Variants in HDAC1 observed in about 807,000 individuals in gnomAD.
HDAC1 encodes the protein protein deacetylase HDAC1.
Under a neutral mutation model 65.5 loss-of-function variants are expected in HDAC1, and 18 were observed. The ratio of observed to expected loss-of-function variants is 0.27; its 90% confidence interval spans 0.19 to 0.41. HDAC1 has a LOEUF of 0.41. Ranked by LOEUF, HDAC1 falls within the 10% of genes least tolerant of loss-of-function variation. The pLI, the probability that HDAC1 is intolerant of heterozygous loss-of-function variation, is 1.00. For synonymous variants in HDAC1, 211 were observed against 227.9 expected (o/e 0.93, Z 0.67); for missense variants, 373 against 625.2 (o/e 0.60, Z 4.30).
Position 32,331,411 on chromosome 1 carries a change from C to T in HDAC1, c.980-63C>T, listed in dbSNP as rs1001880032. On this transcript the variant is annotated intron_variant, in intron 9 of 13. Transcript: ENST00000373548. The surrounding 1 kb of genome is among the most constrained non-coding windows in gnomAD (Gnocchi z 4.2). Reference sequence around the variant, plus strand: ...ACCTACAAATGCTTTAGGGTGCTTACGTGCAAATGGTTAGGGTGCGGTGGC... The same window carrying T: ...ACCTACAAATGCTTTAGGGTGCTTATGTGCAAATGGTTAGGGTGCGGTGGC... 1.7e-5 allele frequency: 16 copies of T among 917,028 alleles called. No individual in the cohort carries two copies. Among genetic ancestry groups the T allele is most frequent in the South Asian group, 6.6e-5 (5 of 75,776 alleles). The allele number at this position is 917,028 out of a possible 1,614,324, so 56.8% of individuals were successfully genotyped here.
At chr1:32,292,289 A>G (rs2124391828) in intron 1 of HDAC1, 71 bp downstream of exon 1, 1 of 1,541,702 alleles carries the variant, frequency 6.5e-7, no homozygotes, top group Non-Finnish European at 8.7e-7. Context: ...CTGAGGCTGG[A>G]GCGCCGATGG....
At position 32,327,254 on chromosome 1, in the gene HDAC1, C is replaced by T. The variant is rs948942619; in HGVS notation, c.494+177C>T. The T allele has an allele frequency of 1.7e-5, 11 of 650,812 alleles. No homozygotes were observed. The highest frequency in any genetic ancestry group is 9.1e-5 in the African/African-American group (5 of 54,946). The allele number at this position is 650,812 out of a possible 1,614,324, so 40.3% of individuals were successfully genotyped here. On this transcript the variant is annotated intron_variant, in intron 5 of 13. Coordinates refer to ENST00000373548, the MANE Select transcript of HDAC1 (RefSeq NM_004964.3). The surrounding 1 kb of genome is among the most constrained non-coding windows in gnomAD (Gnocchi z 6.0). The stretch of plus-strand genomic sequence containing the variant: ...TGGGGTCTTGGTTTGATCTGAGCCA[C>T]GGCATGATCAGGGGCAGATGCTGCT...
chr1:32,300,653 TG>T (rs1401772761), intron 1 of HDAC1, among the ~76,000 whole-genome samples: 1 of 152,138 alleles, frequency 6.6e-6, no homozygotes, highest in Non-Finnish European at 1.5e-5. Context: ...AGAAAGGGTT[TG>T]GAGCTTGAGG....
intron 13 of HDAC1, 119 bp from the exon 14 acceptor site, chr1:32,332,898 C>T (rs1369278051): frequency 1.6e-6 from 2 of 1,215,960 alleles, no homozygotes; most frequent in Non-Finnish European, 2.4e-6. Flanking sequence ...CAGTTCTAGG[C>T]AGAGCTAGGA....
At position 32,327,491 on chromosome 1, in the gene HDAC1, CATCCCCAAAGA is replaced by C. The variant is rs1459760910; in HGVS notation, c.495-44_495-34del. On this transcript the variant is annotated intron_variant, in intron 5 of 13. Transcript: ENST00000373548. The surrounding 1 kb of genome is among the most constrained non-coding windows in gnomAD (Gnocchi z 6.0). ...GGGAGCTAGCGCCCTTGGCACGTCCCATCCCCAAAGAGCCCCCAGACCCCTGACCCCCTTCT... is the reference window on the plus strand; with the variant it reads ...GGGAGCTAGCGCCCTTGGCACGTCCCGCCCCCAGACCCCTGACCCCCTTCT... 2 of 1,484,616 alleles carry C rather than the reference CATCCCCAAAGA, an allele frequency of 1.3e-6. No individual in the cohort carries two copies. The highest frequency in any genetic ancestry group is 1.9e-6 in the Non-Finnish European group (2 of 1,065,530). 92.0% of individuals were successfully genotyped at this position (1,484,616 alleles called of 1,614,324 possible). A position where few individuals can be genotyped will look rare whatever the true frequency, so the allele number is the denominator to read the frequency against.
intron 1 of HDAC1, among the ~76,000 whole-genome samples, chr1:32,293,920 T>A (rs1640731899): frequency 2.1e-5 from 3 of 144,790 alleles, no homozygotes; most frequent in African/African-American, 5.2e-5. Context: ...AAAAAAAAAT[T>A]AGCGAGGTGT....
intron 3 of HDAC1, among the ~76,000 whole-genome samples, chr1:32,324,037 C>T (rs1400758651): frequency 6.6e-6 from 1 of 151,380 alleles, no homozygotes; most frequent in Non-Finnish European, 1.5e-5. Context: ...TGGCACATGC[C>T]TATTGGGAGG....
At position 32,331,006 on chromosome 1, in the gene HDAC1, T is replaced by G. The variant is rs1641284325; in HGVS notation, c.979+98T>G. 9.3e-7 allele frequency: 1 copy of G among 1,071,244 alleles called. No individual in the cohort carries two copies. Among genetic ancestry groups the G allele is most frequent in the Non-Finnish European group, 1.4e-6 (1 of 712,472 alleles). 66.4% of individuals were successfully genotyped at this position (1,071,244 alleles called of 1,614,324 possible). A position where few individuals can be genotyped will look rare whatever the true frequency, so the allele number is the denominator to read the frequency against. Reference sequence around the variant, plus strand: ...CCTTCCCCGTTGGTCATATGACCGCTCCTCTTCTGATACTAGTCACTGAGT... The same window carrying G: ...CCTTCCCCGTTGGTCATATGACCGCGCCTCTTCTGATACTAGTCACTGAGT... On this transcript the variant is annotated intron_variant, in intron 9 of 13. Transcript: ENST00000373548. This position sits in a 1 kb window ranked among gnomAD's most constrained non-coding sequence, Gnocchi z 4.2.
At chr1:32,316,833 TTTCCACTGTAGAGGCCCATTC>T in intron 3 of HDAC1, 51 bp downstream of exon 3, 1 of 1,146,726 alleles carries the variant, frequency 8.7e-7, no homozygotes, top group Non-Finnish European at 1.3e-6. Flanking sequence ...TGCATCTCCC[TTTCCACTGTAGAGGCCCATTC>T]TGCCGTCCTC....
chr1:32,292,385 G>A, intron 1 of HDAC1, 167 bp downstream of exon 1: 1 of 985,308 alleles, frequency 1.0e-6, no homozygotes, highest in South Asian at 4.7e-5. Flanking sequence ...GAGGCTGCGA[G>A]GAAGGGAGAT....
intron 3 of HDAC1, among the ~76,000 whole-genome samples, chr1:32,319,632 T>G (rs1425825556): frequency 6.6e-6 from 1 of 152,102 alleles, no homozygotes; most frequent in Non-Finnish European, 1.5e-5. Flanking sequence ...CATGGTAGCA[T>G]GCACCTGTAA....
intron 2 of HDAC1, among the ~76,000 whole-genome samples, chr1:32,315,869 G>T (rs996002713): frequency 4.6e-5 from 7 of 151,608 alleles, no homozygotes; most frequent in Non-Finnish European, 8.8e-5. Context: ...GGAGGCTGAG[G>T]CAGGAGAATC....
At chr1:32,297,132 A>C (rs7533676) in intron 1 of HDAC1, among the ~76,000 whole-genome samples, 2,031 of 152,250 alleles carry the variant, frequency 0.013, 16 homozygotes, top group African/African-American at 0.016. Context: ...AGAAATTTGG[A>C]AGGATTGCTG....
intron 3 of HDAC1, among the ~76,000 whole-genome samples, chr1:32,322,040 C>T (rs1641153926): frequency 6.6e-6 from 1 of 152,182 alleles, no homozygotes; most frequent in African/African-American, 2.4e-5. Flanking sequence ...AGTGCAGAAC[C>T]AGAGCTGGTA....
At chr1:32,299,256 G>A (rs1366649824) in intron 1 of HDAC1, among the ~76,000 whole-genome samples, 1 of 151,898 alleles carries the variant, frequency 6.6e-6, no homozygotes, top group Non-Finnish European at 1.5e-5. Context: ...CACACAGCAC[G>A]GGTTGGCAAA....
In HDAC1 at chr1:32,327,814, C is replaced by A; in HGVS notation, c.636+137C>A. ...ACCACATCCCAATCTGAAGCACTTG[C>A]CCTGATCTCTTTCCCTTCCTTATTC... On this transcript the variant is annotated intron_variant, in intron 6 of 13. Coordinates refer to ENST00000373548, the MANE Select transcript of HDAC1 (RefSeq NM_004964.3). This position sits in a 1 kb window ranked among gnomAD's most constrained non-coding sequence, Gnocchi z 6.0. The A allele has an allele frequency of 1.4e-6, 1 of 737,834 alleles. No homozygotes were observed. Among genetic ancestry groups the A allele is most frequent in the South Asian group, 1.5e-5 (1 of 67,490 alleles). 45.7% of individuals were successfully genotyped at this position (737,834 alleles called of 1,614,324 possible). A position where few individuals can be genotyped will look rare whatever the true frequency, so the allele number is the denominator to read the frequency against.
intron 1 of HDAC1, among the ~76,000 whole-genome samples, chr1:32,299,380 A>G (rs1640814935): frequency 6.6e-6 from 1 of 152,102 alleles, no homozygotes; most frequent in South Asian, 2.1e-4. Context: ...CTGGGCAACA[A>G]AGCAAGATGC....
chr1:32,323,903 G>A (rs917701227), intron 3 of HDAC1, among the ~76,000 whole-genome samples: 1 of 152,122 alleles, frequency 6.6e-6, no homozygotes, highest in East Asian at 1.9e-4. Flanking sequence ...CTCAAGAAAC[G>A]AACCAACATT....
chr1:32,301,497 C>T (rs533280055), intron 1 of HDAC1, among the ~76,000 whole-genome samples: 9 of 151,540 alleles, frequency 5.9e-5, no homozygotes, highest in Admixed American at 6.6e-5. Context: ...TGGCCAGGCG[C>T]GGTGGCTCAC....
Sources: allele counts gnomAD v4.1 joint callset (sites outside exome capture counted in the v4.1 genomes callset), GRCh38; gene constraint gnomAD v4.1.1; non-coding constraint Gnocchi (gnomAD v3.1); transcripts MANE v1.5; gene names NCBI Gene and HGNC (gene_info 2026-07-23, HGNC 2026-07-21).